The following HDX variants were observed in gnomAD, a reference collection of about 807,000 sequenced individuals.
The protein encoded by HDX is chromosome X open reading frame 43.
A neutral mutation model predicts 45.2 loss-of-function variants in HDX; 19 were observed. The observed-to-expected ratio is 0.42, with a 90% confidence interval of 0.29 to 0.62. The LOEUF (loss-of-function observed/expected upper bound fraction) is 0.62, where lower values mean the gene tolerates loss of function less well. HDX is among the 20% of genes least tolerant of loss of function. The pLI, the probability that HDX is intolerant of heterozygous loss-of-function variation, is 0.20. For missense variants in HDX, 532 were observed against 493.9 expected (o/e 1.08, Z -0.73); for synonymous variants, 188 against 172.8 (o/e 1.09, Z -0.69).
intron 5 of HDX, among the ~76,000 whole-genome samples, chrX:84,427,450 G>A (rs1226535970): frequency 9.0e-6 from 1 of 111,137 alleles, no homozygotes; most frequent in African/African-American, 3.3e-5. Flanking sequence ...AATGCCTCCT[G>A]TTAATCAACT....
chrX:84,360,252 T>G (rs1175597400), intron 6 of HDX, among the ~76,000 whole-genome samples: 3 of 111,669 alleles, frequency 2.7e-5, no homozygotes, highest in Non-Finnish European at 3.8e-5. Context: ...CCAATCAGAA[T>G]GGCAATTATT....
chrX:84,476,705 G>A (rs983714032), intron 2 of HDX, among the ~76,000 whole-genome samples: 4 of 111,055 alleles, frequency 3.6e-5, no homozygotes, highest in Non-Finnish European at 1.9e-5. Flanking sequence ...ACATTGACAC[G>A]GAAATAACTT....
intron 4 of HDX, among the ~76,000 whole-genome samples, chrX:84,449,468 T>C (rs775544577): frequency 1.8e-5 from 2 of 111,999 alleles, no homozygotes; most frequent in Admixed American, 1.9e-4. Flanking sequence ...AACACCAGAT[T>C]TCTCAGTAGA....
intron 4 of HDX, among the ~76,000 whole-genome samples, chrX:84,446,161 G>T (rs967984822): frequency 1.8e-5 from 2 of 111,047 alleles, no homozygotes; most frequent in Admixed American, 9.6e-5. Context: ...TTATCCAAAG[G>T]CACTAAAGAA....
intron 4 of HDX, among the ~76,000 whole-genome samples, chrX:84,466,837 C>A (rs1300253210): frequency 9.0e-6 from 1 of 111,556 alleles, no homozygotes; most frequent in Admixed American, 9.5e-5. Flanking sequence ...TAATCCTAGG[C>A]AAGCAATTGA....
At chrX:84,361,338 T>A (rs1173022026) in intron 6 of HDX, 128 bp downstream of exon 6, 1 of 460,224 alleles carries the variant, frequency 2.2e-6, no homozygotes, top group Non-Finnish European at 3.5e-6. Context: ...TTTCAAAATA[T>A]CTCCTATCCT....
chrX:84,328,975 C>T (rs1191067623), intron 9 of HDX, among the ~76,000 whole-genome samples: 1 of 112,016 alleles, frequency 8.9e-6, no homozygotes, highest in Non-Finnish European at 1.9e-5. Context: ...GGGGGGACAA[C>T]TGGAAGCAGA....
At chrX:84,332,051 T>G (rs1031657692) in intron 9 of HDX, among the ~76,000 whole-genome samples, 48 of 111,269 alleles carry the variant, frequency 4.3e-4, no homozygotes, top group Non-Finnish European at 2.1e-4. Context: ...ATAACTAGGG[T>G]ACAACATTTT....
At chrX:84,359,858 G>A (rs910558072) in intron 6 of HDX, among the ~76,000 whole-genome samples, 17 of 111,700 alleles carry the variant, frequency 1.5e-4, no homozygotes, top group Admixed American at 1.1e-3. Context: ...TACCATTCAG[G>A]ACATAGGCAT....
At chrX:84,366,329 A>G (rs1214741881) in intron 5 of HDX, among the ~76,000 whole-genome samples, 1 of 111,915 alleles carries the variant, frequency 8.9e-6, no homozygotes, top group African/African-American at 3.3e-5. Context: ...CAAGGAAACA[A>G]GAGAGGACAC....
intron 4 of HDX, among the ~76,000 whole-genome samples, chrX:84,442,467 T>A (rs2148065361): frequency 9.0e-6 from 1 of 110,518 alleles, no homozygotes; most frequent in East Asian, 2.8e-4. Flanking sequence ...TAAGGAAAAA[T>A]AAAAAATATT....
intron 4 of HDX, among the ~76,000 whole-genome samples, chrX:84,442,312 T>C (rs1471932392): frequency 9.0e-6 from 1 of 111,343 alleles, no homozygotes; most frequent in Non-Finnish European, 1.9e-5. Context: ...TCAATGTGAA[T>C]AGTAAATTAA....
intron 5 of HDX, among the ~76,000 whole-genome samples, chrX:84,379,154 T>A (rs1447163524): frequency 1.8e-5 from 2 of 109,806 alleles, no homozygotes; most frequent in Admixed American, 2.0e-4. Flanking sequence ...AAATTTGATT[T>A]TATATATATA....
At chrX:84,443,680 A>C (rs1189890259) in intron 4 of HDX, among the ~76,000 whole-genome samples, 1 of 112,080 alleles carries the variant, frequency 8.9e-6, no homozygotes, top group African/African-American at 3.2e-5. Context: ...AACGTGGCTT[A>C]GAATAAATTC....
At chrX:84,340,067 C>T (rs1208750671) in intron 7 of HDX, among the ~76,000 whole-genome samples, 2 of 109,824 alleles carry the variant, frequency 1.8e-5, no homozygotes, top group Non-Finnish European at 3.8e-5. Context: ...CTTCTTTTCT[C>T]TTCATCACCA....
intron 5 of HDX, among the ~76,000 whole-genome samples, chrX:84,369,014 G>C (rs1218523126): frequency 1.8e-5 from 2 of 110,767 alleles, no homozygotes. Flanking sequence ...CTCACCTCCT[G>C]CTGTGTGGAC....
intron 5 of HDX, among the ~76,000 whole-genome samples, chrX:84,392,684 G>C (rs1468931342): frequency 1.8e-5 from 2 of 109,885 alleles, no homozygotes; most frequent in Non-Finnish European, 3.8e-5. Context: ...ATGGTAAATT[G>C]GATTGCCCTC....
intron 5 of HDX, among the ~76,000 whole-genome samples, chrX:84,382,984 G>T (rs970479126): frequency 9.0e-5 from 10 of 110,780 alleles, no homozygotes; most frequent in African/African-American, 3.3e-4. Flanking sequence ...TACCTACTAT[G>T]TACCCTCAAA....
chrX:84,492,817 A>T (rs2040917685), intron 1 of HDX, among the ~76,000 whole-genome samples: 1 of 112,071 alleles, frequency 8.9e-6, no homozygotes, highest in Non-Finnish European at 1.9e-5. Flanking sequence ...AATGTTTAAG[A>T]ATGTGAAAGT....
Sources: gnomAD v4.1 joint callset for allele counts (sites outside exome capture counted in the v4.1 genomes callset) on GRCh38, gnomAD v4.1.1 for gene constraint, MANE v1.5 for transcripts, NCBI Gene and HGNC (gene_info 2026-07-23, HGNC 2026-07-21) for gene names.